Variants in ZBTB20 observed in about 807,000 individuals in gnomAD.
The protein encoded by ZBTB20 is zinc finger and BTB domain-containing protein 20.
In ZBTB20, 9 loss-of-function variants were observed where a neutral mutation model predicts 56.9. The observed-to-expected ratio is 0.16, with a 90% CI of 0.10 to 0.28. The LOEUF is 0.28. Among genes scored for constraint, ZBTB20 ranks in the 10% least tolerant of loss-of-function variants. The pLI, the probability that ZBTB20 is intolerant of heterozygous loss-of-function variation, is 1.00. For synonymous variants in ZBTB20, 417 were observed against 420.7 expected (o/e 0.99, Z 0.11); for missense variants, 655 against 1,003.0 (o/e 0.65, Z 4.69).
chr3:114,416,338 AAAAAAC>A (rs993896383), intron 7 of ZBTB20, among the ~76,000 whole-genome samples: 4 of 152,004 alleles, frequency 2.6e-5, no homozygotes, highest in Non-Finnish European at 5.9e-5. Flanking sequence ...AAAAAAAAAA[AAAAAAC>A]AACTAACTAA....
At chr3:114,484,939 A>G (rs148919080) in intron 7 of ZBTB20, among the ~76,000 whole-genome samples, 1 of 152,320 alleles carries the variant, frequency 6.6e-6, no homozygotes, top group East Asian at 1.9e-4. Flanking sequence ...ATATAATAAT[A>G]TAATAGCTCA....
intron 3 of ZBTB20, among the ~76,000 whole-genome samples, chr3:114,922,714 T>C (rs2076006196): frequency 6.6e-6 from 1 of 152,110 alleles, no homozygotes; most frequent in Non-Finnish European, 1.5e-5. Context: ...GAAGGTAAAG[T>C]GAAGCCAGTG....
intron 1 of ZBTB20, among the ~76,000 whole-genome samples, chr3:115,109,495 ACT>A (rs1305811632): frequency 6.6e-6 from 1 of 152,188 alleles, no homozygotes; most frequent in East Asian, 1.9e-4. Flanking sequence ...CCCAACATAC[ACT>A]TTCTCATTTA....
intron 3 of ZBTB20, among the ~76,000 whole-genome samples, chr3:114,917,809 G>A (rs559772505): frequency 1.6e-4 from 24 of 152,198 alleles, no homozygotes; most frequent in Non-Finnish European, 3.1e-4. Context: ...TCACCACTGA[G>A]ACTGTGCTGG....
intron 3 of ZBTB20, among the ~76,000 whole-genome samples, chr3:114,915,817 C>T: frequency 6.6e-6 from 1 of 151,878 alleles, no homozygotes; most frequent in Non-Finnish European, 1.5e-5. Context: ...CTTCATTGAC[C>T]AACTGATCAC....
At chr3:114,872,274 C>CA (rs1456846406) in intron 4 of ZBTB20, among the ~76,000 whole-genome samples, 27 of 152,124 alleles carry the variant, frequency 1.8e-4, no homozygotes, top group Non-Finnish European at 1.8e-4. Flanking sequence ...AACCCTTGTA[C>CA]TCAAGAGGTT....
rs1429435838 is a variant in ZBTB20 at position 114,332,418 on chromosome 3, C to G, written c.*6587G>C. ...AAGGAAATGTTTAAAACTAGTACTCCCGGGCACCTGTGATTGCATTTTATA... is the reference window on the plus strand; with the variant it reads ...AAGGAAATGTTTAAAACTAGTACTCGCGGGCACCTGTGATTGCATTTTATA... On this transcript the variant is annotated 3_prime_UTR_variant, in exon 12 of 12. Coordinates refer to ENST00000675478, the MANE Select transcript of ZBTB20 (RefSeq NM_001348800.3). 6.6e-6 allele frequency: 1 copy of G among 152,146 alleles called. No individual in the cohort carries two copies. The highest frequency in any genetic ancestry group is 1.5e-5 in the Non-Finnish European group (1 of 68,038). 9.4% of individuals were successfully genotyped at this position (152,146 alleles called of 1,614,324 possible).
intron 10 of ZBTB20, among the ~76,000 whole-genome samples, chr3:114,355,891 C>T (rs1184797966): frequency 6.7e-6 from 1 of 150,350 alleles, no homozygotes; most frequent in Non-Finnish European, 1.5e-5. Context: ...TACAAAACCA[C>T]AAAACTTTAC....
intron 2 of ZBTB20, among the ~76,000 whole-genome samples, chr3:115,018,194 C>T (rs1025095210): frequency 6.6e-6 from 1 of 151,004 alleles, no homozygotes; most frequent in Non-Finnish European, 1.5e-5. Context: ...TTTATGCCAC[C>T]AAGGAAAAAC....
At chr3:114,741,729 A>G (rs962743058) in intron 5 of ZBTB20, among the ~76,000 whole-genome samples, 17 of 151,902 alleles carry the variant, frequency 1.1e-4, no homozygotes, top group African/African-American at 3.9e-4. Context: ...AAAAAAAAAA[A>G]AAATTAGCTG....
intron 7 of ZBTB20, among the ~76,000 whole-genome samples, chr3:114,468,561 A>T (rs937401911): frequency 2.0e-5 from 3 of 152,212 alleles, no homozygotes; most frequent in Non-Finnish European, 4.4e-5. Context: ...TTCAAGATAA[A>T]CATTTTTAAT....
At position 114,704,631 on chromosome 3, in the gene ZBTB20, T is replaced by C. The variant is rs182570152; in HGVS notation, c.-342-11056A>G. ...GAGACTTATACACTGTTGAATGATA[T>C]GTCATAGACTACTCTGAGAAGCAGA... is the stretch of plus-strand genomic sequence containing the variant. On this transcript the variant is annotated intron_variant, in intron 5 of 11. Coordinates refer to ENST00000675478, the MANE Select transcript of ZBTB20 (RefSeq NM_001348800.3). Among the ~76,000 whole-genome samples the C allele has an allele frequency of 2.3e-3, 357 of 152,306 alleles. 2 individuals carry two copies. The highest frequency in any genetic ancestry group is 8.6e-3 in the Admixed American group (131 of 15,284).
chr3:114,762,984 A>G (rs995353301), intron 5 of ZBTB20, among the ~76,000 whole-genome samples: 1 of 152,148 alleles, frequency 6.6e-6, no homozygotes, highest in Non-Finnish European at 1.5e-5. Context: ...ATTTTTCCCA[A>G]ATAAATTTCA....
chr3:114,594,178 A>C (rs561349048), intron 6 of ZBTB20, among the ~76,000 whole-genome samples: 79 of 152,332 alleles, frequency 5.2e-4, no homozygotes, highest in Non-Finnish European at 4.0e-4. Context: ...TTAATTGAAA[A>C]GAGATGGTTA....
At chr3:114,375,660 A>G (rs1367553729) in intron 10 of ZBTB20, 1 of 152,182 alleles carries the variant, frequency 6.6e-6, no homozygotes, top group Non-Finnish European at 1.5e-5. Context: ...CTTTGTCTAC[A>G]CCCACTTAGC....
chr3:114,677,469 G>T (rs376257932), intron 6 of ZBTB20, among the ~76,000 whole-genome samples: 10 of 152,204 alleles, frequency 6.6e-5, no homozygotes, highest in Admixed American at 4.6e-4. Context: ...AAACCCTACT[G>T]TGAACTGTGT....
At chr3:114,548,561 C>G (rs1163606067) in intron 6 of ZBTB20, among the ~76,000 whole-genome samples, 1 of 149,020 alleles carries the variant, frequency 6.7e-6, no homozygotes, top group Non-Finnish European at 1.5e-5. Context: ...CTGTGTTGCT[C>G]AGGCTGGAAT....
intron 1 of ZBTB20, among the ~76,000 whole-genome samples, chr3:115,127,157 A>C (rs1041119761): frequency 2.6e-5 from 4 of 152,218 alleles, no homozygotes; most frequent in African/African-American, 4.8e-5. Context: ...CTATCTAGTC[A>C]TTTCCAAATA....
intron 3 of ZBTB20, among the ~76,000 whole-genome samples, chr3:114,937,555 G>A (rs1338356441): frequency 6.6e-6 from 1 of 151,868 alleles, no homozygotes; most frequent in Non-Finnish European, 1.5e-5. Flanking sequence ...CCAAGTAGCT[G>A]GGACTACAGG....
Sources: gnomAD v4.1 joint callset for allele counts (sites outside exome capture counted in the v4.1 genomes callset) on GRCh38, gnomAD v4.1.1 for gene constraint, MANE v1.5 for transcripts, NCBI Gene and HGNC (gene_info 2026-07-23, HGNC 2026-07-21) for gene names.